The following NACC2 variants were observed in gnomAD, a reference collection of about 807,000 sequenced individuals.
NACC2 encodes nucleus accumbens-associated protein 2.
NACC2 carries 8 observed loss-of-function variants against 25.1 expected under a neutral mutation model. The observed-to-expected ratio is 0.32, with a 90% confidence interval of 0.19 to 0.57. The LOEUF is 0.57. NACC2 is among the 20% of genes least tolerant of loss of function. The pLI, the probability that NACC2 is intolerant of heterozygous loss-of-function variation, is 0.89. For missense variants in NACC2, 644 were observed against 650.2 expected, an observed-to-expected ratio of 0.99 and a Z score of 0.10; for synonymous variants, 435 against 294.7, an observed-to-expected ratio of 1.48 and a Z score of -4.88.
intron 2 of NACC2, among the ~76,000 whole-genome samples, chr9:136,027,349 G>C (rs1840408119): frequency 6.6e-6 from 1 of 152,232 alleles, no homozygotes; most frequent in Non-Finnish European, 1.5e-5. Context: ...AAAGGGAGCT[G>C]AGGTGGCTCT....
At chr9:136,071,860 G>A (rs1165125930) in intron 1 of NACC2, among the ~76,000 whole-genome samples, 2 of 152,076 alleles carry the variant, frequency 1.3e-5, no homozygotes, top group South Asian at 2.1e-4. Flanking sequence ...GAGAAGAGCC[G>A]GCCTTTGAAG....
intron 1 of NACC2, among the ~76,000 whole-genome samples, chr9:136,080,988 C>T (rs906289172): frequency 6.6e-6 from 1 of 152,198 alleles, no homozygotes; most frequent in Non-Finnish European, 1.5e-5. Flanking sequence ...TCTCCCACCC[C>T]AAGCACATTC....
chr9:136,094,671 C>G (rs1830468976), intron 1 of NACC2, among the ~76,000 whole-genome samples: 1 of 152,052 alleles, frequency 6.6e-6, no homozygotes, highest in African/African-American at 2.4e-5. Context: ...AACGGGCCCA[C>G]CTGGACCGGG....
chr9:136,093,397 G>A (rs1045990928), intron 1 of NACC2, among the ~76,000 whole-genome samples: 3 of 152,174 alleles, frequency 2.0e-5, no homozygotes, highest in East Asian at 1.9e-4. Flanking sequence ...TCCAGCAGCC[G>A]GTGGTAAAGA....
chr9:136,056,747 G>A (rs909329065), intron 1 of NACC2, among the ~76,000 whole-genome samples: 4 of 152,148 alleles, frequency 2.6e-5, no homozygotes, highest in African/African-American at 9.6e-5. Context: ...GGCCCAGGCC[G>A]GGCTCTCTCC....
rs962385079 is a variant in NACC2, at chr9:136,048,507, C to G, written c.886+1129G>C. 1.6e-4 allele frequency among the ~76,000 whole-genome samples: 25 copies of G among 152,366 alleles called. No homozygotes were observed. The East Asian group carries it at 4.6e-3, about 28-fold the overall frequency. On this transcript the variant is annotated intron_variant, in intron 2 of 5. Transcript: ENST00000277554. ...AAAACAAAAGCTGTGAAGCCCAGAT[C>G]GAGGTGGCCTGTGAGCTGGCATTCT...
chr9:136,012,643 C>A (rs914020281), intron 5 of NACC2, among the ~76,000 whole-genome samples: 4 of 150,030 alleles, frequency 2.7e-5, no homozygotes, highest in Admixed American at 6.7e-5. Context: ...ACAGAATTTG[C>A]CTCACAAGGT....
chr9:136,054,764 A>G (rs2131166384), intron 1 of NACC2, among the ~76,000 whole-genome samples: 2 of 152,156 alleles, frequency 1.3e-5, no homozygotes, highest in East Asian at 3.9e-4. Context: ...GAGATTCAAC[A>G]CACTCATTCA....
At chr9:136,049,286 G>A (rs1331440587) in intron 2 of NACC2, among the ~76,000 whole-genome samples, 1 of 152,198 alleles carries the variant, frequency 6.6e-6, no homozygotes, top group African/African-American at 2.4e-5. Flanking sequence ...GAGGTTAAAG[G>A]GGAAGTAGGC....
At chr9:136,014,092 G>A (rs13296783) in intron 3 of NACC2, 123 bp from the exon 4 acceptor site, 5 of 705,594 alleles carry the variant, frequency 7.1e-6, no homozygotes. Context: ...AAGCTTCTAG[G>A]ACTTTTTTTG....
chr9:136,044,609 C>T (rs1476467567), intron 2 of NACC2, among the ~76,000 whole-genome samples: 3 of 152,202 alleles, frequency 2.0e-5, no homozygotes, highest in Non-Finnish European at 4.4e-5. Flanking sequence ...CGGACGCCCC[C>T]GTCCCAGGCC....
intron 2 of NACC2, among the ~76,000 whole-genome samples, chr9:136,048,674 G>T (rs1187849814): frequency 5.3e-5 from 8 of 152,252 alleles, no homozygotes; most frequent in African/African-American, 1.9e-4. Flanking sequence ...CCAAAGCAGT[G>T]GTTACCCTGC....
intron 2 of NACC2, among the ~76,000 whole-genome samples, chr9:136,030,786 C>A (rs1330871165): frequency 6.6e-6 from 1 of 152,012 alleles, no homozygotes; most frequent in Non-Finnish European, 1.5e-5. Flanking sequence ...CTCAGCCTCC[C>A]GAGTAGCTGG....
chr9:136,087,829 C>T lies in NACC2; in HGVS notation c.-60+7360G>A, dbSNP rs116622687. Among the ~76,000 whole-genome samples the T allele has an allele frequency of 4.5e-3, 693 of 152,320 alleles. 3 individuals carry two copies. The highest frequency in any genetic ancestry group is 0.013 in the African/African-American group (524 of 41,562). On this transcript the variant is annotated intron_variant, in intron 1 of 5. Coordinates refer to ENST00000277554, the MANE Select transcript of NACC2 (RefSeq NM_144653.5). ...GCAAGATCCCCAACGAGGCCCCAAG[C>T]GCCCTGTCCTCCCCGGTCTGAGCTG...
At chr9:136,073,016 A>G (rs1283277464) in intron 1 of NACC2, among the ~76,000 whole-genome samples, 1 of 152,222 alleles carries the variant, frequency 6.6e-6, no homozygotes, top group Non-Finnish European at 1.5e-5. Flanking sequence ...CTTTATCAAA[A>G]TTTAAAAACT....
intron 2 of NACC2, among the ~76,000 whole-genome samples, chr9:136,042,051 C>T (rs957534921): frequency 0.022 from 3,356 of 152,122 alleles, 68 homozygotes; most frequent in Admixed American, 0.055. Context: ...CTGGAGTGCA[C>T]GATCTTGGCT....
chr9:136,075,628 G>C (rs72773710), intron 1 of NACC2, among the ~76,000 whole-genome samples: 5,121 of 152,344 alleles, frequency 0.034, 126 homozygotes, highest in Admixed American at 0.053. Flanking sequence ...TGCGGGAGCA[G>C]AGCCTGCAGG....
rs1032498896 is a variant in NACC2 at position 136,079,055 on chromosome 9, CTTCT to C, written c.-60+16130_-60+16133del. Among the ~76,000 whole-genome samples the C allele has an allele frequency of 4.4e-4, 49 of 111,488 alleles. 1 individual carries two copies. Among genetic ancestry groups the C allele is most frequent in the East Asian group, 2.5e-3 (10 of 4,050 alleles). The allele number at this position is 111,488 out of a possible 152,430, so 73.1% of individuals were successfully genotyped here. ...GTTAATTTGACTTCAATCATAGCTT[CTTCT>C]TTTTTTTTTTTTTAAGTGCACACGG... On this transcript the variant is annotated intron_variant, in intron 1 of 5. Coordinates refer to ENST00000277554, the MANE Select transcript of NACC2 (RefSeq NM_144653.5).
chr9:136,087,940 G>A (rs941256570), intron 1 of NACC2, among the ~76,000 whole-genome samples: 3 of 139,550 alleles, frequency 2.1e-5, no homozygotes, highest in Admixed American at 6.9e-5. Flanking sequence ...CCACCCCGGG[G>A]ACTCTGCTGG....
Sources: allele counts gnomAD v4.1 joint callset (sites outside exome capture counted in the v4.1 genomes callset), GRCh38; gene constraint gnomAD v4.1.1; transcripts MANE v1.5; gene names NCBI Gene and HGNC (gene_info 2026-07-23, HGNC 2026-07-21).